Variants in DLG2 observed in about 807,000 individuals in gnomAD.
DLG2 encodes discs large MAGUK scaffold protein 2, also known as disks large homolog 2.
Under a neutral mutation model 132.5 loss-of-function variants are expected in DLG2, and 45 were observed. The ratio of observed to expected loss-of-function variants is 0.34; its 90% CI spans 0.27 to 0.44. The LOEUF is 0.44. Ranked by LOEUF, DLG2 falls within the 20% of genes least tolerant of loss-of-function variation. The pLI, the probability that DLG2 is intolerant of heterozygous loss-of-function variation, is 1.00. For synonymous variants in DLG2, 424 were observed against 419.6 expected (o/e 1.01, Z -0.13); for missense variants, 1,045 against 1,196.9 (o/e 0.87, Z 1.87).
chr11:84,761,404 G>A (rs1296011067), intron 6 of DLG2, among the ~76,000 whole-genome samples: 1 of 152,106 alleles, frequency 6.6e-6, no homozygotes, highest in African/African-American at 2.4e-5. Context: ...TGGATTGAAG[G>A]ACCTGAAGTA....
intron 7 of DLG2, among the ~76,000 whole-genome samples, chr11:84,329,877 A>G (rs1164483513): frequency 6.6e-6 from 1 of 152,092 alleles, no homozygotes; most frequent in Non-Finnish European, 1.5e-5. Flanking sequence ...TCCTGGTCAT[A>G]ATGGACAAGG....
intron 17 of DLG2, among the ~76,000 whole-genome samples, chr11:83,823,349 T>A (rs1270101234): frequency 1.3e-5 from 2 of 152,156 alleles, no homozygotes; most frequent in African/African-American, 4.8e-5. Context: ...GCTACCCAAA[T>A]TTTTTGGAAG....
intron 7 of DLG2, among the ~76,000 whole-genome samples, chr11:84,375,367 G>C (rs1273402193): frequency 1.3e-5 from 2 of 152,054 alleles, no homozygotes; most frequent in Non-Finnish European, 2.9e-5. Flanking sequence ...TTCACCAACT[G>C]GTTCTTTGAA....
In DLG2 at chr11:84,657,851, A is replaced by G. The variant is rs559495134; in HGVS notation, c.358-123120T>C. 7.4e-4 allele frequency among the ~76,000 whole-genome samples: 113 copies of G among 152,334 alleles called. 1 individual carries two copies. The highest frequency in any genetic ancestry group is 2.6e-3 in the African/African-American group (107 of 41,588). ...TTAATATAGTTGTTTATTGTCTAGC[A>G]TTGCAGCAAAGGCTGCTAATTAACC... On this transcript the variant is annotated intron_variant, in intron 6 of 27. Transcript: ENST00000376104.
chr11:85,394,848 T>C (rs2087145656), intron 3 of DLG2, among the ~76,000 whole-genome samples: 1 of 152,214 alleles, frequency 6.6e-6, no homozygotes, highest in Non-Finnish European at 1.5e-5. Context: ...GTTCTTAGTG[T>C]AAGAACATGT....
At chr11:84,646,025 C>A (rs2099674499) in intron 6 of DLG2, among the ~76,000 whole-genome samples, 1 of 152,116 alleles carries the variant, frequency 6.6e-6, no homozygotes, top group Non-Finnish European at 1.5e-5. Flanking sequence ...GAGAAGGGGG[C>A]CAGCTCTGAA....
chr11:84,664,586 C>A (rs888386276), intron 6 of DLG2, among the ~76,000 whole-genome samples: 1 of 152,034 alleles, frequency 6.6e-6, no homozygotes, highest in Non-Finnish European at 1.5e-5. Flanking sequence ...CAAACTTATG[C>A]CTGGAGGTCA....
At chr11:84,407,898 T>C (rs967576750) in intron 7 of DLG2, among the ~76,000 whole-genome samples, 3 of 152,180 alleles carry the variant, frequency 2.0e-5, no homozygotes, top group African/African-American at 7.2e-5. Flanking sequence ...AATTAGAGTG[T>C]ATTGCAAAAC....
chr11:85,464,467 C>G lies in DLG2; in HGVS notation c.40+134190G>C, dbSNP rs143368181. 2.9e-3 allele frequency among the ~76,000 whole-genome samples: 435 copies of G among 152,220 alleles called. 3 individuals carry two copies. The highest frequency in any genetic ancestry group is 0.024 in the Middle Eastern group (7 of 294). Reference sequence around the variant, plus strand: ...ATCATAATGGTATGGAAAATGTTCCCTGTGAGCTTAGTCCACCTCTGGGTG... The same window carrying G: ...ATCATAATGGTATGGAAAATGTTCCGTGTGAGCTTAGTCCACCTCTGGGTG... On this transcript the variant is annotated intron_variant, in intron 3 of 27. Coordinates refer to ENST00000376104, the MANE Select transcript of DLG2 (RefSeq NM_001142699.3).
At chr11:84,019,196 C>G (rs2095312963) in intron 11 of DLG2, among the ~76,000 whole-genome samples, 1 of 151,866 alleles carries the variant, frequency 6.6e-6, no homozygotes, top group Non-Finnish European at 1.5e-5. Flanking sequence ...ACACAATATG[C>G]CGTTCAGTAT....
At chr11:85,186,167 C>A (rs1279017034) in intron 4 of DLG2, among the ~76,000 whole-genome samples, 2 of 151,826 alleles carry the variant, frequency 1.3e-5, no homozygotes, top group Non-Finnish European at 2.9e-5. Context: ...ATAATATGAA[C>A]CACAATTGTG....
At chr11:85,618,602 G>A (rs977843983) in intron 2 of DLG2, among the ~76,000 whole-genome samples, 3 of 152,082 alleles carry the variant, frequency 2.0e-5, no homozygotes, top group Admixed American at 6.6e-5. Flanking sequence ...TAGACACTAC[G>A]CAAGGGACTA....
chr11:84,140,761 C>T (rs2094808230), intron 9 of DLG2, among the ~76,000 whole-genome samples: 1 of 152,032 alleles, frequency 6.6e-6, no homozygotes, highest in African/African-American at 2.4e-5. Context: ...CAATATTTAC[C>T]TTTGTTATCT....
intron 10 of DLG2, among the ~76,000 whole-genome samples, chr11:84,070,474 C>T (rs2154143490): frequency 1.3e-5 from 2 of 152,298 alleles, no homozygotes; most frequent in South Asian, 4.1e-4. Context: ...TGCATAGAAC[C>T]TAAAATAGTG....
chr11:84,354,474 A>G (rs2098599321), intron 7 of DLG2, among the ~76,000 whole-genome samples: 1 of 152,126 alleles, frequency 6.6e-6, no homozygotes, highest in Non-Finnish European at 1.5e-5. Context: ...TTTTTTCTCA[A>G]AACATTTTCC....
In DLG2 at chr11:85,400,482, C is replaced by T. The variant is rs1167292562; in HGVS notation, c.41-115117G>A. 1.4e-4 allele frequency among the ~76,000 whole-genome samples: 21 copies of T among 149,214 alleles called. No homozygotes were observed. In the South Asian group the frequency reaches 2.8e-3, roughly 20 times the overall value. On this transcript the variant is annotated intron_variant, in intron 3 of 27. Transcript: ENST00000376104. ...ATGCTGCTATAAAGACACATGCACA[C>T]GTATGTTTATTGCGGCATTATTCAC...
At chr11:84,152,640 C>G (rs1385303772) in intron 9 of DLG2, among the ~76,000 whole-genome samples, 1 of 151,108 alleles carries the variant, frequency 6.6e-6, no homozygotes, top group East Asian at 1.9e-4. Context: ...CCTGTCTCGG[C>G]CCCCCAAAGT....
chr11:85,389,281 C>G (rs2086603780), intron 3 of DLG2, among the ~76,000 whole-genome samples: 1 of 152,090 alleles, frequency 6.6e-6, no homozygotes, highest in Non-Finnish European at 1.5e-5. Context: ...ACAAGGCTTT[C>G]AAATTAACCC....
At chr11:83,948,124 T>C (rs1004422540) in intron 14 of DLG2, among the ~76,000 whole-genome samples, 2 of 152,212 alleles carry the variant, frequency 1.3e-5, no homozygotes, top group African/African-American at 2.4e-5. Flanking sequence ...CCTTCATCTC[T>C]TATCTCAAGG....
Sources: allele counts gnomAD v4.1 joint callset (sites outside exome capture counted in the v4.1 genomes callset), GRCh38; gene constraint gnomAD v4.1.1; transcripts MANE v1.5; gene names NCBI Gene and HGNC (gene_info 2026-07-23, HGNC 2026-07-21).